Variants in COL15A1 observed in about 807,000 individuals in gnomAD.
COL15A1 encodes collagen alpha-1(XV) chain.
In COL15A1, 111 loss-of-function variants were observed where a neutral mutation model predicts 165.9. The observed-to-expected ratio is 0.67, with a 90% CI of 0.57 to 0.78. COL15A1 has a LOEUF of 0.78. COL15A1 is among the 30% of genes least tolerant of loss of function. The probability of loss-of-function intolerance (pLI) is 0.00; values close to 1 mark genes in which losing one functional copy is unlikely to be tolerated. For synonymous variants in COL15A1, 659 were observed against 674.8 expected, an observed-to-expected ratio of 0.98 and a Z score of 0.36; for missense variants, 1,745 against 1,789.7, an observed-to-expected ratio of 0.98 and a Z score of 0.45.
intron 9 of COL15A1, among the ~76,000 whole-genome samples, chr9:99,012,933 C>T (rs1424770196): frequency 6.6e-6 from 1 of 151,974 alleles, no homozygotes; most frequent in African/African-American, 2.4e-5. Flanking sequence ...AGGCTGGTCT[C>T]GAACTCCTGA....
At chr9:99,030,896 A>G (rs1406649873) in intron 16 of COL15A1, among the ~76,000 whole-genome samples, 1 of 152,218 alleles carries the variant, frequency 6.6e-6, no homozygotes, top group African/African-American at 2.4e-5. Flanking sequence ...ACCCAAGAGG[A>G]GCAGACATAG....
intron 2 of COL15A1, among the ~76,000 whole-genome samples, chr9:98,974,818 G>T (rs1171642785): frequency 6.6e-6 from 1 of 152,226 alleles, no homozygotes; most frequent in East Asian, 1.9e-4. Context: ...TGTGCCGTCG[G>T]TCTTTAGAGG....
intron 2 of COL15A1, among the ~76,000 whole-genome samples, chr9:98,945,962 T>G (rs563985357): frequency 6.6e-6 from 1 of 152,286 alleles, no homozygotes; most frequent in East Asian, 1.9e-4. Context: ...CCATTTATAA[T>G]GTAAAAAGGG....
Position 99,003,482 on chromosome 9 carries a change from C to A in COL15A1, c.1095C>A (p.Ala365=). Residue 365 remains alanine, a synonymous_variant, in exon 8 of 42, where the codon GCC becomes GCA. Coordinates refer to ENST00000375001, the MANE Select transcript of COL15A1 (RefSeq NM_001855.5). Reference sequence around the variant, plus strand: ...TAGCAGCAACAGCAGCGGGGCTGGCCGAGGTGCCCATCAGCACTGCTGGAG... The same window carrying A: ...TAGCAGCAACAGCAGCGGGGCTGGCAGAGGTGCCCATCAGCACTGCTGGAG... The part of the protein sequence containing the change: ...KNLAATAAGL[A]EVPISTAGEA... The A allele has an allele frequency of 6.5e-7, 1 of 1,539,844 alleles. No homozygotes were observed. The highest frequency in any genetic ancestry group is 8.8e-7 in the Non-Finnish European group (1 of 1,142,500).
rs1838699697 is a variant in COL15A1, at chr9:99,003,501, G to T, written c.1114G>T (p.Ala372Ser). ...AGLAEVPIST[A>S]GEAEASSVPT... ...GCTGGCCGAGGTGCCCATCAGCACT[G>T]CTGGAGAAGCAGAGGCCAGCAGTGT... Residue 372 changes from alanine (A) to serine (S), a missense_variant, in exon 8 of 42, where the codon GCT (alanine) becomes TCT (serine). By Grantham distance (99) the Ala-to-Ser change is moderately conservative (BLOSUM62 1). Transcript: ENST00000375001. The T allele has an allele frequency of 3.2e-6, 5 of 1,568,544 alleles. No homozygotes were observed. Among genetic ancestry groups the T allele is most frequent in the African/African-American group, 1.4e-5 (1 of 72,870 alleles).
chr9:98,944,206 T>C lies in COL15A1; in HGVS notation c.56T>C (p.Val19Ala). ...QCWCLLMLLS[V>A]STPLPAVTQT... ...TGGTGTCTGCTGATGCTGCTCTCGG[T>C]CTCCACGCCCCTCCCTGCTGTCACC... is the stretch of plus-strand genomic sequence containing the variant. The change falls in exon 2 of 42, where the codon GTC (valine) becomes GCC (alanine). Residue 19 changes from valine to alanine, a missense_variant. By Grantham distance (64) the Val-to-Ala change is moderately conservative. Transcript: ENST00000375001. The C allele has an allele frequency of 6.2e-7, 1 of 1,613,908 alleles. No homozygotes were observed. The highest frequency in any genetic ancestry group is 8.5e-7 in the Non-Finnish European group (1 of 1,179,932).
intron 2 of COL15A1, among the ~76,000 whole-genome samples, chr9:98,953,634 A>T (rs532714219): frequency 6.6e-6 from 1 of 152,018 alleles, no homozygotes; most frequent in African/African-American, 2.4e-5. Flanking sequence ...AGGGCAAAAA[A>T]CTATTCTGAG....
intron 21 of COL15A1, among the ~76,000 whole-genome samples, chr9:99,036,706 A>T (rs999245027): frequency 6.6e-6 from 1 of 152,240 alleles, no homozygotes; most frequent in Non-Finnish European, 1.5e-5. Flanking sequence ...TCCCCAGCCA[A>T]GTGCAGAGCA....
At chr9:98,974,464 C>A (rs1838109599) in intron 2 of COL15A1, among the ~76,000 whole-genome samples, 1 of 152,168 alleles carries the variant, frequency 6.6e-6, no homozygotes, top group Non-Finnish European at 1.5e-5. Flanking sequence ...ATGCAAGAAC[C>A]CCACCCTCCC....
chr9:99,011,707 TATTTA>T (rs1217627691), intron 9 of COL15A1, among the ~76,000 whole-genome samples: 3 of 152,182 alleles, frequency 2.0e-5, no homozygotes, highest in African/African-American at 4.8e-5. Context: ...AAATATCTAT[TATTTA>T]ATTTAACTTT....
intron 5 of COL15A1, among the ~76,000 whole-genome samples, chr9:98,990,299 G>A (rs1216191684): frequency 6.6e-6 from 1 of 152,234 alleles, no homozygotes; most frequent in Admixed American, 6.5e-5. Context: ...GTAACAGCAT[G>A]AGTCTCCTGA....
intron 2 of COL15A1, among the ~76,000 whole-genome samples, chr9:98,950,464 T>C (rs921322629): frequency 1.4e-4 from 21 of 147,892 alleles, no homozygotes; most frequent in Non-Finnish European, 2.5e-4. Context: ...CCCTCCTTCC[T>C]TCCCTCCCTC....
At chr9:98,979,334 C>T (rs1025486834) in intron 2 of COL15A1, among the ~76,000 whole-genome samples, 7 of 152,170 alleles carry the variant, frequency 4.6e-5, no homozygotes, top group East Asian at 1.9e-4. Context: ...CTGCCAGTAA[C>T]GCAGGAGAAG....
chr9:99,060,241 TATATA>T (rs1341958844), intron 36 of COL15A1, among the ~76,000 whole-genome samples: 12 of 123,892 alleles, frequency 9.7e-5, no homozygotes, highest in Non-Finnish European at 1.8e-4. Flanking sequence ...TTTTTATATA[TATATA>T]TATATATATA....
rs1378161246 is a variant in COL15A1, at chr9:98,946,238, CT to C, written c.100+1989del. Reference sequence around the variant, plus strand: ...TGAGGACTGAGAACAGTTACTATCTCTGTTTTTCAGATGAAGAAACAGAGGT... The same window carrying C: ...TGAGGACTGAGAACAGTTACTATCTCGTTTTTCAGATGAAGAAACAGAGGT... On this transcript the variant is annotated intron_variant, in intron 2 of 41. Coordinates refer to ENST00000375001, the MANE Select transcript of COL15A1 (RefSeq NM_001855.5). Among the ~76,000 whole-genome samples the C allele has an allele frequency of 3.9e-5, 6 of 152,218 alleles. No homozygotes were observed. The East Asian group carries it at 1.2e-3, about 29-fold the overall frequency.
chr9:98,986,834 A>G (rs938425305), intron 3 of COL15A1, among the ~76,000 whole-genome samples: 15 of 152,234 alleles, frequency 9.9e-5, no homozygotes, highest in African/African-American at 3.1e-4. Context: ...TCACTTTAGG[A>G]GCCTCATGGA....
At chr9:98,985,113 GA>G (rs902071320) in intron 2 of COL15A1, among the ~76,000 whole-genome samples, 10 of 149,404 alleles carry the variant, frequency 6.7e-5, no homozygotes, top group African/African-American at 9.8e-5. Context: ...TTATAGTGGG[GA>G]AAAAAAAAAT....
intron 6 of COL15A1, among the ~76,000 whole-genome samples, chr9:99,000,346 A>G (rs1838627471): frequency 6.6e-6 from 1 of 152,054 alleles, no homozygotes; most frequent in African/African-American, 2.4e-5. Context: ...ACATATATGT[A>G]TATATTATGT....
chr9:98,985,681 G>A lies in COL15A1; in HGVS notation c.217G>A (p.Ala73Thr), dbSNP rs759476425. ...CCCGGCCTACAGTTTCGGGCCTGGT[G>A]CCAATGTTGGCCGCCCAGCCAGGAC... ...GFPAYSFGPGANVGRPARTLI... is the reference protein window; with the variant it reads ...GFPAYSFGPGTNVGRPARTLI... Residue 73 changes from alanine (A) to threonine (T), a missense_variant, in exon 3 of 42, where the codon GCC becomes ACC. Coordinates refer to ENST00000375001, the MANE Select transcript of COL15A1 (RefSeq NM_001855.5). 25 of 1,614,142 alleles carry A rather than the reference G, an allele frequency of 1.5e-5. No individual in the cohort carries two copies. The Admixed American group carries it at 3.8e-4, about 25-fold the overall frequency.
Sources: allele counts gnomAD v4.1 joint callset (sites outside exome capture counted in the v4.1 genomes callset), GRCh38; gene constraint gnomAD v4.1.1; transcripts MANE v1.5; gene names NCBI Gene and HGNC (gene_info 2026-07-23, HGNC 2026-07-21).